MTMR8: variants seen among roughly 807,000 people sequenced by gnomAD.
MTMR8 encodes the protein phosphatidylinositol-3,5-bisphosphate 3-phosphatase MTMR8.
A neutral mutation model predicts 39.3 loss-of-function variants in MTMR8; 65 were observed. The ratio of observed to expected loss-of-function variants is 1.65; its 90% CI spans 1.35 to 2.03. The LOEUF (loss-of-function observed/expected upper bound fraction) is 2.03, where lower values mean the gene tolerates loss of function less well. Ranked by LOEUF, MTMR8 falls within the 30% of genes most tolerant of loss-of-function variation. MTMR8 has a pLI of 0.00. For synonymous variants in MTMR8, 245 were observed against 185.2 expected, an observed-to-expected ratio of 1.32 and a Z score of -2.62; for missense variants, 777 against 538.9, an observed-to-expected ratio of 1.44 and a Z score of -4.37.
At chrX:64,310,342 T>A (rs1922257108) in intron 12 of MTMR8, among the ~76,000 whole-genome samples, 1 of 110,903 alleles carries the variant, frequency 9.0e-6, no homozygotes, top group African/African-American at 3.3e-5. Flanking sequence ...AGGAACCACT[T>A]CTATTTATAT....
chrX:64,270,361 C>G (rs1680201876), intron 13 of MTMR8, among the ~76,000 whole-genome samples: 1 of 112,174 alleles, frequency 8.9e-6, no homozygotes, highest in African/African-American at 3.2e-5. Flanking sequence ...TCCAATAATT[C>G]TTTTCTAAGA....
intron 1 of MTMR8, 32 bp downstream of exon 1, chrX:64,395,308 G>A: frequency 1.7e-6 from 2 of 1,206,003 alleles, no homozygotes; most frequent in East Asian, 3.0e-5. Flanking sequence ...GGAAGCTCGC[G>A]GCTGTCAGCC....
At chrX:64,313,893 C>G (rs1337802968) in intron 12 of MTMR8, among the ~76,000 whole-genome samples, 1 of 112,577 alleles carries the variant, frequency 8.9e-6, no homozygotes, top group Non-Finnish European at 1.9e-5. Context: ...AGTTCTTGCA[C>G]TCATTTTTAT....
intron 1 of MTMR8, among the ~76,000 whole-genome samples, chrX:64,369,718 C>A (rs1001838228): frequency 2.7e-5 from 3 of 110,928 alleles, no homozygotes; most frequent in African/African-American, 6.6e-5. Context: ...ACCTATGTAA[C>A]AAACCTGCAC....
rs139990893 is a variant in MTMR8 at position 64,316,407 on chromosome X, G to A, written c.1481+12365C>T. 3.9e-3 allele frequency among the ~76,000 whole-genome samples: 439 copies of A among 112,019 alleles called. 3 individuals are homozygous for A. Among genetic ancestry groups the A allele is most frequent in the Non-Finnish European group, 6.2e-3 (331 of 53,214 alleles). On this transcript the variant is annotated intron_variant, in intron 12 of 13. Coordinates refer to ENST00000374852, the MANE Select transcript of MTMR8 (RefSeq NM_017677.4). ...CACACCTGTAATACCAGTACTTTGG[G>A]AGCCCAAGGTGGGCAAATCACTTAA...
At chrX:64,391,513 T>G (rs1436650228) in intron 1 of MTMR8, among the ~76,000 whole-genome samples, 1 of 112,018 alleles carries the variant, frequency 8.9e-6, no homozygotes, top group African/African-American at 3.2e-5. Flanking sequence ...TCTTTCATTT[T>G]TGGACCTTGT....
At position 64,391,370 on chromosome X, in the gene MTMR8, T is replaced by C. The variant is rs1222567548; in HGVS notation, c.24+3970A>G. ...CCTTGTCCTTGATTAAAGAGATTCATGAATTAAACACATAACACTATTCTC... is the reference window on the plus strand; with the variant it reads ...CCTTGTCCTTGATTAAAGAGATTCACGAATTAAACACATAACACTATTCTC... On this transcript the variant is annotated intron_variant, in intron 1 of 13. Coordinates refer to ENST00000374852, the MANE Select transcript of MTMR8 (RefSeq NM_017677.4). Among the ~76,000 whole-genome samples the C allele has an allele frequency of 2.7e-5, 3 of 112,609 alleles. No homozygotes were observed. The Admixed American group carries it at 2.8e-4, about 11-fold the overall frequency.
chrX:64,327,840 T>C (rs1245173917), intron 12 of MTMR8, among the ~76,000 whole-genome samples: 1 of 111,858 alleles, frequency 8.9e-6, no homozygotes, highest in Non-Finnish European at 1.9e-5. Flanking sequence ...GGAAATACTA[T>C]TTTAGCAATA....
At chrX:64,338,474 G>A (rs959593299) in intron 8 of MTMR8, among the ~76,000 whole-genome samples, 20 of 112,251 alleles carry the variant, frequency 1.8e-4, no homozygotes, top group East Asian at 8.4e-4. Context: ...ATGTAACAGC[G>A]TGTACATTGC....
At chrX:64,284,042 T>A (rs1189445987) in intron 12 of MTMR8, among the ~76,000 whole-genome samples, 3 of 111,723 alleles carry the variant, frequency 2.7e-5, no homozygotes, top group African/African-American at 9.8e-5. Flanking sequence ...AAGGAGGAAG[T>A]TCGAACCCAT....
intron 12 of MTMR8, among the ~76,000 whole-genome samples, chrX:64,302,353 T>C (rs928183469): frequency 1.2e-4 from 14 of 112,473 alleles, no homozygotes; most frequent in Non-Finnish European, 2.6e-4. Flanking sequence ...CACCCCTTTC[T>C]TTGATTCGGA....
At position 64,359,449 on chromosome X, in the gene MTMR8, G is replaced by A. The variant is rs761484044; in HGVS notation, c.103C>T (p.Leu35=). The change falls in exon 2 of 14, where the codon CTG becomes TTG. Residue 35 remains leucine, a synonymous_variant. Coordinates refer to ENST00000374852, the MANE Select transcript of MTMR8 (RefSeq NM_017677.4). Reference sequence around the variant, plus strand: ...GCACCTGAAGCCTCCACATAGATCAGGTGGGTTGCAGTAAGATAAAGAATC... The same window carrying A: ...GCACCTGAAGCCTCCACATAGATCAAGTGGGTTGCAGTAAGATAAAGAATC... ...NGILYLTATH[L]IYVEASGAAR... is the part of the protein sequence containing the mutation. The A allele has an allele frequency of 2.5e-6, 3 of 1,207,777 alleles. No homozygotes were observed. The highest frequency in any genetic ancestry group is 3.5e-5 in the South Asian group (2 of 56,534).
rs1922086615 is a variant in MTMR8, at chrX:64,305,698, A to G, written c.1481+23074T>C. The G allele has an allele frequency of 5.7e-6, 3 of 527,818 alleles. No homozygotes were observed. In the African/African-American group the frequency reaches 6.9e-5, roughly 12 times the overall value. The allele number at this position is 527,818 out of a possible 1,213,427, so 43.5% of individuals were successfully genotyped here. On this transcript the variant is annotated intron_variant, in intron 12 of 13. Transcript: ENST00000374852. ...TCATTGCCAGCACCAGTAAGGTAAG[A>G]GAGGGCCCAGTCTGTATCTACTAAT...
chrX:64,319,497 G>C (rs905806071), intron 12 of MTMR8, among the ~76,000 whole-genome samples: 1 of 111,994 alleles, frequency 8.9e-6, no homozygotes, highest in South Asian at 3.7e-4. Flanking sequence ...GTCCTGAATG[G>C]TATTGCCTAG....
chrX:64,315,075 G>C (rs1022731635), intron 12 of MTMR8, among the ~76,000 whole-genome samples: 11 of 111,810 alleles, frequency 9.8e-5, no homozygotes, highest in Middle Eastern at 4.2e-3. Flanking sequence ...GGGCATCCCT[G>C]GCTCTGCTCC....
At chrX:64,304,487 C>A (rs753693516) in intron 12 of MTMR8, among the ~76,000 whole-genome samples, 1 of 111,536 alleles carries the variant, frequency 9.0e-6, no homozygotes, top group Admixed American at 9.6e-5. Flanking sequence ...TCAACATTTT[C>A]CATTTGGACA....
chrX:64,306,594 C>G (rs1006262975), intron 12 of MTMR8: 4 of 114,105 alleles, frequency 3.5e-5, no homozygotes, highest in African/African-American at 1.3e-4. Context: ...TCAGTACGTT[C>G]CTTCTCTTTA....
chrX:64,369,982 T>C (rs775532088), intron 1 of MTMR8, among the ~76,000 whole-genome samples: 117 of 111,261 alleles, frequency 1.1e-3, no homozygotes, highest in African/African-American at 3.5e-3. Context: ...AACTATCATG[T>C]TTTGAAAGAT....
intron 12 of MTMR8, among the ~76,000 whole-genome samples, chrX:64,303,208 T>A (rs1921962255): frequency 8.9e-6 from 1 of 112,440 alleles, no homozygotes; most frequent in South Asian, 3.7e-4. Flanking sequence ...TGTAGTAGTA[T>A]CTGATTGAGC....
Sources: allele counts gnomAD v4.1 joint callset (sites outside exome capture counted in the v4.1 genomes callset), GRCh38; gene constraint gnomAD v4.1.1; transcripts MANE v1.5; gene names NCBI Gene and HGNC (gene_info 2026-07-23, HGNC 2026-07-21).